The following METTL15 variants were observed in gnomAD, a reference collection of about 807,000 sequenced individuals.
The protein encoded by METTL15 is methyltransferase 15, mitochondrial 12S rRNA N4-cytidine, also known as 12S rRNA N(4)-cytidine methyltransferase METTL15.
A neutral mutation model predicts 38.3 loss-of-function variants in METTL15; 34 were observed. The observed-to-expected ratio is 0.89, with a 90% CI of 0.68 to 1.18. The LOEUF (loss-of-function observed/expected upper bound fraction) is 1.18, where lower values mean the gene tolerates loss of function less well. Among genes scored for constraint, METTL15 ranks in the 50% most tolerant of loss-of-function variants. The pLI, the probability that METTL15 is intolerant of heterozygous loss-of-function variation, is 0.00. For missense variants in METTL15, 438 were observed against 498.4 expected (o/e 0.88, Z 1.15); for synonymous variants, 162 against 170.9 (o/e 0.95, Z 0.41).
intron 3 of METTL15, among the ~76,000 whole-genome samples, chr11:28,165,912 C>T (rs1221661870): frequency 6.6e-6 from 1 of 152,140 alleles, no homozygotes; most frequent in African/African-American, 2.4e-5. Context: ...AAGAGACTGT[C>T]TTTTCCCCAT....
intron 4 of METTL15, among the ~76,000 whole-genome samples, chr11:28,218,447 A>G (rs759304122): frequency 2.6e-5 from 4 of 152,110 alleles, no homozygotes; most frequent in Admixed American, 6.6e-5. Flanking sequence ...ATCAGCTTAA[A>G]GAGATTTTGG....
At chr11:28,244,225 C>A (rs1299702188) in intron 4 of METTL15, among the ~76,000 whole-genome samples, 2 of 152,140 alleles carry the variant, frequency 1.3e-5, no homozygotes, top group Non-Finnish European at 2.9e-5. Flanking sequence ...AAGGTAAGGT[C>A]ATTTTCTTTT....
At chr11:28,421,945 G>T (rs182585033) in intron 5 of METTL15, among the ~76,000 whole-genome samples, 7 of 151,882 alleles carry the variant, frequency 4.6e-5, no homozygotes, top group African/African-American at 1.7e-4. Flanking sequence ...ATACCGTATA[G>T]ACCCAACCAA....
At chr11:28,113,089 T>A (rs1851782729) in intron 2 of METTL15, among the ~76,000 whole-genome samples, 1 of 152,172 alleles carries the variant, frequency 6.6e-6, no homozygotes, top group African/African-American at 2.4e-5. Context: ...TTAGGCTACA[T>A]TAAAAATTGT....
intron 5 of METTL15, among the ~76,000 whole-genome samples, chr11:28,383,128 C>G (rs1850406116): frequency 6.6e-6 from 1 of 152,084 alleles, no homozygotes; most frequent in Non-Finnish European, 1.5e-5. Flanking sequence ...ACCTTTATCT[C>G]TCAGGTAGGC....
In METTL15 at chr11:28,238,367, G is replaced by A. The variant is rs377423043; in HGVS notation, c.407+27169G>A. On this transcript the variant is annotated intron_variant, in intron 4 of 6. Coordinates refer to ENST00000407364, the MANE Select transcript of METTL15 (RefSeq NM_001113528.2). ...TTGCAGTTTGATCTCAGACTGCCGT[G>A]CTAGCAATCAGCGAGACTCCGTGGG... Among the ~76,000 whole-genome samples the A allele has an allele frequency of 4.0e-4, 61 of 152,310 alleles. 1 individual carries two copies. The East Asian group carries it at 0.011, about 27-fold the overall frequency.
chr11:28,478,686 T>C (rs1851368134), intron 6 of METTL15, among the ~76,000 whole-genome samples: 1 of 152,138 alleles, frequency 6.6e-6, no homozygotes, highest in Non-Finnish European at 1.5e-5. Context: ...CTGGTATTCA[T>C]TCACCTCCCC....
At chr11:28,507,374 C>A (rs1281231920) in intron 6 of METTL15, among the ~76,000 whole-genome samples, 1 of 152,154 alleles carries the variant, frequency 6.6e-6, no homozygotes. Flanking sequence ...AACTCACTAT[C>A]ACAAGAACAG....
At chr11:28,396,538 G>T (rs552641223) in intron 5 of METTL15, among the ~76,000 whole-genome samples, 1 of 152,138 alleles carries the variant, frequency 6.6e-6, no homozygotes, top group East Asian at 1.9e-4. Context: ...GACAAGGGAC[G>T]TGAAGGACCT....
intron 6 of METTL15, among the ~76,000 whole-genome samples, chr11:28,481,479 G>A (rs1851394818): frequency 6.6e-6 from 1 of 152,172 alleles, no homozygotes; most frequent in South Asian, 2.1e-4. Flanking sequence ...AATTGTTGGG[G>A]GCACACTGAA....
chr11:28,399,947 T>TTTA (rs1850614382), intron 5 of METTL15, among the ~76,000 whole-genome samples: 2 of 152,050 alleles, frequency 1.3e-5, no homozygotes, highest in South Asian at 4.1e-4. Flanking sequence ...TAAATAAATG[T>TTTA]TTATATACCA....
chr11:28,300,570 C>T (rs1856878195), intron 6 of METTL15, among the ~76,000 whole-genome samples: 1 of 152,124 alleles, frequency 6.6e-6, no homozygotes, highest in African/African-American at 2.4e-5. Context: ...GAACAGAGCA[C>T]TTACAAGCAT....
At chr11:28,379,676 A>G (rs1175492321) in intron 5 of METTL15, among the ~76,000 whole-genome samples, 1 of 152,140 alleles carries the variant, frequency 6.6e-6, no homozygotes, top group Non-Finnish European at 1.5e-5. Flanking sequence ...GAATAATGTG[A>G]TTCTATTGCA....
At chr11:28,305,941 T>C (rs1857069403) in intron 6 of METTL15, among the ~76,000 whole-genome samples, 2 of 151,934 alleles carry the variant, frequency 1.3e-5, no homozygotes, top group Admixed American at 1.3e-4. Flanking sequence ...AACAAATAAA[T>C]GAAGAAATAG....
intron 3 of METTL15, among the ~76,000 whole-genome samples, chr11:28,351,118 AT>A (rs71050956): frequency 0.72 from 108,826 of 150,834 alleles, 39,780 homozygotes; most frequent in East Asian, 0.91. Flanking sequence ...TTTAAAAAAA[AT>A]TTTTTTTTTT....
intron 6 of METTL15, among the ~76,000 whole-genome samples, chr11:28,485,947 G>C (rs1433998389): frequency 2.0e-5 from 3 of 152,000 alleles, no homozygotes; most frequent in Non-Finnish European, 4.4e-5. Context: ...CTTTTTATAA[G>C]GCCACTAAAC....
chr11:28,309,758 C>G (rs1857209855), intron 6 of METTL15, among the ~76,000 whole-genome samples: 1 of 152,124 alleles, frequency 6.6e-6, no homozygotes, highest in South Asian at 2.1e-4. Context: ...CAGCATTTTC[C>G]TAGTCTCTGG....
At chr11:28,199,562 A>C (rs1476324210) in intron 3 of METTL15, among the ~76,000 whole-genome samples, 3 of 152,054 alleles carry the variant, frequency 2.0e-5, no homozygotes, top group African/African-American at 7.2e-5. Flanking sequence ...TGGCCAGTAC[A>C]ACACTAATTG....
chr11:28,372,517 A>G (rs1307058736), intron 5 of METTL15, among the ~76,000 whole-genome samples: 2 of 150,432 alleles, frequency 1.3e-5, no homozygotes, highest in East Asian at 3.9e-4. Flanking sequence ...CAAGTTCTGG[A>G]AAAAAAACCC....
Sources: allele counts gnomAD v4.1 joint callset (sites outside exome capture counted in the v4.1 genomes callset), GRCh38; gene constraint gnomAD v4.1.1; transcripts MANE v1.5; gene names NCBI Gene and HGNC (gene_info 2026-07-23, HGNC 2026-07-21).